The following PLCL2 variants were observed in gnomAD, a reference collection of about 807,000 sequenced individuals.
The protein encoded by PLCL2 is phospholipase C like 2.
A neutral mutation model predicts 79.6 loss-of-function variants in PLCL2; 4 were observed. That is an observed-to-expected ratio of 0.05 (90% CI 0.02 to 0.11). The LOEUF (loss-of-function observed/expected upper bound fraction) is 0.11. Ranked by LOEUF, PLCL2 falls within the 10% of genes least tolerant of loss-of-function variation. The probability of loss-of-function intolerance (pLI) is 1.00; values close to 1 mark genes in which losing one functional copy is unlikely to be tolerated. For missense variants in PLCL2, 895 were observed against 1,291.0 expected (o/e 0.69, Z 4.70); for synonymous variants, 484 against 457.7 (o/e 1.06, Z -0.73).
chr3:16,903,636 A>G (rs1156612783), intron 1 of PLCL2, among the ~76,000 whole-genome samples: 2 of 152,228 alleles, frequency 1.3e-5, no homozygotes, highest in Non-Finnish European at 2.9e-5. Context: ...TGTGCCCAGC[A>G]GTGGGTGCTC....
Position 16,970,052 on chromosome 3 carries a change from A to ATTTT in PLCL2, c.328-39621_328-39620insTTTT, listed in dbSNP as rs1222156599. Among the ~76,000 whole-genome samples the ATTTT allele has an allele frequency of 2.3e-4, 32 of 138,440 alleles. 1 individual carries two copies. Among genetic ancestry groups the ATTTT allele is most frequent in the South Asian group, 1.4e-3 (6 of 4,216 alleles). 90.8% of individuals were successfully genotyped at this position (138,440 alleles called of 152,430 possible). A position where few individuals can be genotyped will look rare whatever the true frequency, so the allele number is the denominator to read the frequency against. On this transcript the variant is annotated intron_variant, in intron 1 of 5. Coordinates refer to ENST00000615277, the MANE Select transcript of PLCL2 (RefSeq NM_001144382.2). ...TTGGCTTTGATTTATATATATATAT[A>ATTTT]TATATATTTTATTTTATTATTATTA...
At chr3:16,923,770 G>A (rs1697179250) in intron 1 of PLCL2, among the ~76,000 whole-genome samples, 1 of 152,036 alleles carries the variant, frequency 6.6e-6, no homozygotes, top group Admixed American at 6.6e-5. Context: ...AATTAATGGT[G>A]TCCTACCAGT....
intron 1 of PLCL2, among the ~76,000 whole-genome samples, chr3:17,000,719 C>G (rs1466205604): frequency 6.6e-6 from 1 of 152,076 alleles, no homozygotes; most frequent in African/African-American, 2.4e-5. Flanking sequence ...ATGATGTCCT[C>G]CAGTTCCATC....
intron 1 of PLCL2, among the ~76,000 whole-genome samples, chr3:16,944,414 G>A (rs1173804198): frequency 6.6e-6 from 1 of 152,138 alleles, no homozygotes; most frequent in East Asian, 1.9e-4. Flanking sequence ...GCTGAACTGT[G>A]CCCCCTCAAA....
At chr3:17,014,981 C>T (rs1306077247) in intron 3 of PLCL2, 70 bp downstream of exon 3, 8 of 1,267,516 alleles carry the variant, frequency 6.3e-6, no homozygotes, top group Non-Finnish European at 9.1e-6. Flanking sequence ...AGCAGACATA[C>T]TTTGGAGCTT....
intron 1 of PLCL2, among the ~76,000 whole-genome samples, chr3:16,970,178 A>G (rs1046881164): frequency 2.0e-5 from 3 of 151,860 alleles, no homozygotes; most frequent in Non-Finnish European, 4.4e-5. Flanking sequence ...ATCATTTAGC[A>G]TTAGGTATAT....
chr3:17,088,476 T>C (rs945451971), intron 5 of PLCL2, among the ~76,000 whole-genome samples: 5 of 151,642 alleles, frequency 3.3e-5, no homozygotes, highest in Admixed American at 2.6e-4. Flanking sequence ...GAAAAGGTAA[T>C]AGTGTAAGTA....
rs574778571 is a variant in PLCL2, at chr3:16,954,975, T to C, written c.328-54699T>C. Among the ~76,000 whole-genome samples, 5 of 152,360 alleles carry C rather than the reference T, an allele frequency of 3.3e-5. No homozygotes were observed. In the East Asian group the frequency reaches 9.6e-4, roughly 29 times the overall value. On this transcript the variant is annotated intron_variant, in intron 1 of 5. Transcript: ENST00000615277. ...TAAAAATGTTCTCCCATTCTGTAGG[T>C]TGCCTGTTCACTCTGATGGTAGTTT...
At chr3:16,897,989 A>ATT (rs142316979) in intron 1 of PLCL2, among the ~76,000 whole-genome samples, 8 of 149,862 alleles carry the variant, frequency 5.3e-5, no homozygotes, top group South Asian at 2.1e-4. Flanking sequence ...TTTTTAGGTC[A>ATT]TTTTTTTTTT....
At chr3:16,906,236 C>T (rs76345213) in intron 1 of PLCL2, among the ~76,000 whole-genome samples, 3,269 of 152,200 alleles carry the variant, frequency 0.021, 124 homozygotes, top group African/African-American at 0.074. Context: ...AAGCATTGTG[C>T]CTGTTGTACC....
intron 1 of PLCL2, among the ~76,000 whole-genome samples, chr3:16,938,083 A>G (rs1356640170): frequency 6.6e-6 from 1 of 152,228 alleles, no homozygotes; most frequent in African/African-American, 2.4e-5. Flanking sequence ...TCATTGTTAC[A>G]TGTATTTTTA....
chr3:16,942,230 G>A (rs2063554112), intron 1 of PLCL2, among the ~76,000 whole-genome samples: 1 of 152,210 alleles, frequency 6.6e-6, no homozygotes, highest in Non-Finnish European at 1.5e-5. Context: ...GCTGAGGAGA[G>A]TGCCTTGTTC....
chr3:17,002,791 C>T (rs2064223807), intron 1 of PLCL2, among the ~76,000 whole-genome samples: 1 of 151,986 alleles, frequency 6.6e-6, no homozygotes, highest in South Asian at 2.1e-4. Context: ...TATGTATATA[C>T]TCTTCTGTTT....
chr3:17,009,146 G>A lies in PLCL2; in HGVS notation c.328-528G>A, dbSNP rs1332043344. Among the ~76,000 whole-genome samples the A allele has an allele frequency of 2.0e-5, 3 of 152,092 alleles. No individual in the cohort carries two copies. Among genetic ancestry groups the A allele is most frequent in the South Asian group, 2.1e-4 (1 of 4,812 alleles). On this transcript the variant is annotated intron_variant, in intron 1 of 5. Coordinates refer to ENST00000615277, the MANE Select transcript of PLCL2 (RefSeq NM_001144382.2). This position sits in a 1 kb window ranked among gnomAD's most constrained non-coding sequence, Gnocchi z 4.0. Reference sequence around the variant, plus strand: ...ATTACAGGCACCCGCCACCATGCCCGGCTAATTTTTGTATTTTTAGTAGAG... The same window carrying A: ...ATTACAGGCACCCGCCACCATGCCCAGCTAATTTTTGTATTTTTAGTAGAG...
At chr3:16,969,440 G>A (rs2063836617) in intron 1 of PLCL2, among the ~76,000 whole-genome samples, 1 of 152,068 alleles carries the variant, frequency 6.6e-6, no homozygotes, top group Admixed American at 6.6e-5. Flanking sequence ...TCTGTTCAGG[G>A]ATTCAATTCC....
intron 1 of PLCL2, among the ~76,000 whole-genome samples, chr3:16,940,034 G>A (rs1697640816): frequency 1.3e-5 from 2 of 152,138 alleles, no homozygotes; most frequent in African/African-American, 2.4e-5. Context: ...AATGAGTGGG[G>A]TTTGGAGGAG....
chr3:17,026,559 C>A (rs917560646), intron 3 of PLCL2, among the ~76,000 whole-genome samples: 2 of 152,140 alleles, frequency 1.3e-5, no homozygotes, highest in African/African-American at 4.8e-5. Context: ...TTATGTAATT[C>A]TGCGGCATGA....
intron 1 of PLCL2, among the ~76,000 whole-genome samples, chr3:16,992,954 G>A (rs1277920101): frequency 6.6e-6 from 1 of 152,216 alleles, no homozygotes; most frequent in African/African-American, 2.4e-5. Context: ...CCTGGCCTGG[G>A]TAGCATGGAC....
chr3:16,947,087 C>T (rs971755747), intron 1 of PLCL2, among the ~76,000 whole-genome samples: 33 of 150,918 alleles, frequency 2.2e-4, no homozygotes, highest in Non-Finnish European at 4.0e-4. Context: ...TCCCAAGTAG[C>T]TTGGACCACA....
Sources: gnomAD v4.1 joint callset for allele counts (sites outside exome capture counted in the v4.1 genomes callset) on GRCh38, gnomAD v4.1.1 for gene constraint, Gnocchi (gnomAD v3.1) non-coding constraint, MANE v1.5 for transcripts, NCBI Gene and HGNC (gene_info 2026-07-23, HGNC 2026-07-21) for gene names.